Variants in VPS39 observed in about 807,000 individuals in gnomAD.
VPS39 encodes the protein vam6/Vps39-like protein.
A neutral mutation model predicts 121.0 loss-of-function variants in VPS39; 70 were observed. That is an observed-to-expected ratio of 0.58 (90% CI 0.48 to 0.71). VPS39 has a LOEUF of 0.71. VPS39 is among the 30% of genes least tolerant of loss of function. The pLI is 0.00. For missense variants in VPS39, 818 were observed against 1,051.5 expected (o/e 0.78, Z 3.07); for synonymous variants, 378 against 398.1 (o/e 0.95, Z 0.60).
chr15:42,181,160 A>G (rs2049573640), intron 8 of VPS39, among the ~76,000 whole-genome samples: 1 of 152,224 alleles, frequency 6.6e-6, no homozygotes, highest in Admixed American at 6.5e-5. Flanking sequence ...TGGTATATAC[A>G]CACAGTGGAA....
intron 10 of VPS39, among the ~76,000 whole-genome samples, chr15:42,176,469 G>A (rs544271235): frequency 6.6e-6 from 1 of 152,166 alleles, no homozygotes; most frequent in African/African-American, 2.4e-5. Flanking sequence ...GAGAGGCAGA[G>A]GGATGGGATG....
Position 42,167,478 on chromosome 15 carries a change from C to T in VPS39, c.1293G>A (p.Pro431=), listed in dbSNP as rs556913627. The stretch of plus-strand genomic sequence containing the variant: ...TGATGGTGGGAGTGCCTTCCATGAG[C>T]GGTGAGGTGCTTGACTGGTGATCAG... The part of the protein sequence containing the change: ...NDSDHQSSTS[P]LMEGTPTIKS... The change falls in exon 13 of 25, where the codon CCG becomes CCA. Residue 431 remains proline (P), a synonymous_variant. Coordinates refer to ENST00000318006, the MANE Select transcript of VPS39 (RefSeq NM_015289.5). 90 of 1,614,132 alleles carry T rather than the reference C, an allele frequency of 5.6e-5. No individual in the cohort carries two copies. In the African/African-American group the frequency reaches 9.6e-4, roughly 17 times the overall value.
chr15:42,178,361 T>C, intron 9 of VPS39, 23 bp from the exon 10 acceptor site: 12 of 1,614,112 alleles, frequency 7.4e-6, no homozygotes, highest in Non-Finnish European at 9.3e-6. Flanking sequence ...GTAAGAATAT[T>C]AGCAAAAGAT....
chr15:42,165,316 A>C, intron 17 of VPS39: 1 of 589,048 alleles, frequency 1.7e-6, no homozygotes, highest in East Asian at 2.8e-5. Context: ...CATCTTCTCA[A>C]TTACTAAACT....
intron 5 of VPS39, among the ~76,000 whole-genome samples, chr15:42,188,760 G>A (rs1414364282): frequency 6.6e-6 from 1 of 152,018 alleles, no homozygotes; most frequent in Non-Finnish European, 1.5e-5. Context: ...TCAGGAGTTC[G>A]AGACTAGCCT....
intron 10 of VPS39, among the ~76,000 whole-genome samples, chr15:42,176,453 C>T (rs1050075918): frequency 1.3e-5 from 2 of 151,658 alleles, no homozygotes; most frequent in Non-Finnish European, 2.9e-5. Flanking sequence ...ATGATTACAT[C>T]TGGAGGAGAG....
rs529970008 is a variant in VPS39, at chr15:42,192,225, C to A, written c.140-665G>T. The A allele has an allele frequency of 3.3e-4, 298 of 901,980 alleles. 3 individuals carry two copies. Among genetic ancestry groups the A allele is most frequent in the South Asian group, 1.1e-3 (78 of 69,484 alleles). The allele number at this position is 901,980 out of a possible 1,614,324, so 55.9% of individuals were successfully genotyped here. A position where few individuals can be genotyped will look rare whatever the true frequency, so the allele number is the denominator to read the frequency against. On this transcript the variant is annotated intron_variant, in intron 2 of 24. Transcript: ENST00000318006. ...TCAAAAAGAGAATAATTATCATCAT[C>A]ATCATCAGAGCAGCTATCATGAAGC...
intron 8 of VPS39, among the ~76,000 whole-genome samples, chr15:42,179,397 G>GT (rs1399143477): frequency 6.6e-6 from 1 of 150,652 alleles, no homozygotes. Context: ...GTGAAACCCT[G>GT]TCTCTACTAA....
chr15:42,194,944 AAAAAAAC>A (rs1471594018), intron 2 of VPS39, among the ~76,000 whole-genome samples: 2 of 151,970 alleles, frequency 1.3e-5, no homozygotes, highest in South Asian at 2.1e-4. Context: ...GTGAAAAAAA[AAAAAAAC>A]AAAAAACGAA....
intron 2 of VPS39, 175 bp downstream of exon 2, chr15:42,199,721 C>A: frequency 1.6e-6 from 1 of 616,032 alleles, no homozygotes; most frequent in Non-Finnish European, 2.8e-6. Flanking sequence ...GCAGGTAGGG[C>A]AATACAATTT....
chr15:42,163,398 G>C lies in VPS39; in HGVS notation c.2130-3C>G, dbSNP rs1455307627. The C allele has an allele frequency of 6.2e-7, 1 of 1,614,186 alleles. No individual in the cohort carries two copies. Reference sequence around the variant, plus strand: ...GGTCATAGTGTTTGTGGCAGTACCTGCAAGGGAGAGAGTGGTGAGAGCAGG... The same window carrying C: ...GGTCATAGTGTTTGTGGCAGTACCTCCAAGGGAGAGAGTGGTGAGAGCAGG... On this transcript the variant is annotated splice_polypyrimidine_tract_variant and splice_region_variant and intron_variant, in intron 20 of 24. Coordinates refer to ENST00000318006, the MANE Select transcript of VPS39 (RefSeq NM_015289.5).
At chr15:42,186,752 T>C (rs983257489) in intron 7 of VPS39, among the ~76,000 whole-genome samples, 5 of 152,214 alleles carry the variant, frequency 3.3e-5, no homozygotes, top group African/African-American at 1.2e-4. Flanking sequence ...GGGGGGACTA[T>C]GGTTGATTTG....
Position 42,165,009 on chromosome 15 carries a change from C to T in VPS39, c.1884G>A (p.Leu628=), listed in dbSNP as rs2049213517. The change falls in exon 18 of 25, where the codon CTG becomes CTA. Residue 628 remains leucine (L), a synonymous_variant. Transcript: ENST00000318006. ...KVQGLMKEYL[L]SFPAGKTPVP... is the part of the protein sequence containing the mutation. ...AAGAACTGGTACCTGCAGGGAAGGA[C>T]AGGAGATACTCCTTCATCAGACCTT... The T allele has an allele frequency of 6.2e-7, 1 of 1,614,216 alleles. No individual in the cohort carries two copies. Among genetic ancestry groups the T allele is most frequent in the Non-Finnish European group, 8.5e-7 (1 of 1,180,028 alleles).
chr15:42,203,000 AT>A (rs1257761455), intron 1 of VPS39, among the ~76,000 whole-genome samples: 1 of 151,962 alleles, frequency 6.6e-6, no homozygotes, highest in Non-Finnish European at 1.5e-5. Flanking sequence ...TTGCCAATAG[AT>A]TTTTTAATTT....
At chr15:42,167,358 T>C (rs770855310) in intron 13 of VPS39, 36 bp downstream of exon 13, 1 of 1,611,258 alleles carries the variant, frequency 6.2e-7, no homozygotes, top group Non-Finnish European at 8.5e-7. Context: ...TCAGGGTAAC[T>C]GGGAATTGTG....
At position 42,208,131 on chromosome 15, in the gene VPS39, A is replaced by G. The variant is rs1304092598; in HGVS notation, c.23T>C (p.Val8Ala). The change falls in exon 1 of 25, where the codon GTG becomes GCG. Residue 8 changes from valine (V) to alanine (A), a missense_variant. Transcript: ENST00000318006. ...CAGAGGCAGCTTTTCTAGGATCGGC[A>G]CTGGCTCGAAAGCGTCGTGCATGGC... MHDAFEPVPILEKLPLQI... is the reference protein window; with the variant it reads MHDAFEPAPILEKLPLQI... 1 of 1,582,304 alleles carries G rather than the reference A, an allele frequency of 6.3e-7. No homozygotes were observed. Among genetic ancestry groups the G allele is most frequent in the Non-Finnish European group, 8.6e-7 (1 of 1,163,862 alleles).
Position 42,189,099 on chromosome 15 carries a change from CT to C in VPS39, c.342+14del, listed in dbSNP as rs1270556014. 2 of 1,602,840 alleles carry C rather than the reference CT, an allele frequency of 1.2e-6. No individual in the cohort carries two copies. The highest frequency in any genetic ancestry group is 4.5e-5 in the East Asian group (2 of 44,806). On this transcript the variant is annotated intron_variant, in intron 5 of 24. Transcript: ENST00000318006. Reference sequence around the variant, plus strand: ...ATTAAAGCATAAAGCCAAATTTCATCTTGGGTAAACTTACCTGGAGGTCACA... The same window carrying C: ...ATTAAAGCATAAAGCCAAATTTCATCTGGGTAAACTTACCTGGAGGTCACA...
At chr15:42,167,166 A>G (rs4923932) in intron 13 of VPS39, among the ~76,000 whole-genome samples, 22,223 of 152,226 alleles carry the variant, frequency 0.15, 2,843 homozygotes, top group African/African-American at 0.33. Context: ...CACTAACTGC[A>G]ATCCGACCAG....
Position 42,166,415 on chromosome 15 carries a change from C to T in VPS39, c.1606+148G>A, listed in dbSNP as rs563930746. The stretch of plus-strand genomic sequence containing the variant: ...CAGGGGGCTGTCACAGGCCAACCAC[C>T]GAGGGACTTTTATGCCATTTGGAGG... On this transcript the variant is annotated intron_variant, in intron 15 of 24. Coordinates refer to ENST00000318006, the MANE Select transcript of VPS39 (RefSeq NM_015289.5). 23 of 1,144,048 alleles carry T rather than the reference C, an allele frequency of 2.0e-5. No homozygotes were observed. In the East Asian group the frequency reaches 3.6e-4, roughly 18 times the overall value. The allele number at this position is 1,144,048 out of a possible 1,614,324, so 70.9% of individuals were successfully genotyped here.
Sources: allele counts gnomAD v4.1 joint callset (sites outside exome capture counted in the v4.1 genomes callset), GRCh38; gene constraint gnomAD v4.1.1; transcripts MANE v1.5; gene names NCBI Gene and HGNC (gene_info 2026-07-23, HGNC 2026-07-21).